MGMT: variants seen among roughly 807,000 people sequenced by gnomAD.
MGMT encodes methylated-DNA--protein-cysteine methyltransferase.
MGMT carries 14 observed loss-of-function variants against 15.9 expected under a neutral mutation model. The ratio of observed to expected loss-of-function variants is 0.88; its 90% CI spans 0.58 to 1.37. MGMT has a LOEUF of 1.37. Among genes scored for constraint, MGMT ranks in the 40% most tolerant of loss-of-function variants. The pLI, the probability that MGMT is intolerant of heterozygous loss-of-function variation, is 0.00. For missense variants in MGMT, 282 were observed against 268.1 expected (o/e 1.05, Z -0.36); for synonymous variants, 130 against 118.2 (o/e 1.10, Z -0.65).
At chr10:129,650,002 G>A (rs1177177422) in intron 2 of MGMT, among the ~76,000 whole-genome samples, 1 of 151,676 alleles carries the variant, frequency 6.6e-6, no homozygotes, top group African/African-American at 2.4e-5. Context: ...CGTGGAGATC[G>A]GCATTGTAGA....
chr10:129,670,934 TGTCA>T (rs1242250267), intron 2 of MGMT, among the ~76,000 whole-genome samples: 5 of 152,226 alleles, frequency 3.3e-5, no homozygotes, highest in Non-Finnish European at 5.9e-5. Flanking sequence ...TGTTTAATGC[TGTCA>T]GTCATTTGAG....
At chr10:129,752,912 G>C (rs532775174) in intron 3 of MGMT, among the ~76,000 whole-genome samples, 33 of 152,196 alleles carry the variant, frequency 2.2e-4, no homozygotes, top group African/African-American at 7.7e-4. Flanking sequence ...CATTCCTGAT[G>C]TTCCAAGCTT....
intron 1 of MGMT, among the ~76,000 whole-genome samples, chr10:129,496,607 C>G (rs1335686264): frequency 6.6e-6 from 1 of 151,994 alleles, no homozygotes; most frequent in Non-Finnish European, 1.5e-5. Context: ...CACTCTGGGC[C>G]GGGGTCTCTG....
chr10:129,518,325 G>C (rs187132733), intron 1 of MGMT, among the ~76,000 whole-genome samples: 2 of 88,064 alleles, frequency 2.3e-5, no homozygotes, highest in African/African-American at 8.9e-5. Context: ...TGTGTGTACA[G>C]ATACACACAC....
chr10:129,497,960 A>G (rs962453444), intron 1 of MGMT, among the ~76,000 whole-genome samples: 2 of 152,348 alleles, frequency 1.3e-5, no homozygotes, highest in Non-Finnish European at 2.9e-5. Context: ...GTTGTTTACA[A>G]AGCACCCAGT....
chr10:129,687,917 A>C (rs185618385), intron 2 of MGMT, among the ~76,000 whole-genome samples: 6 of 150,322 alleles, frequency 4.0e-5, no homozygotes, highest in Non-Finnish European at 4.4e-5. Flanking sequence ...CTCATTGTTC[A>C]GTTCCCACCT....
chr10:129,675,558 C>T (rs1053697367), intron 2 of MGMT, among the ~76,000 whole-genome samples: 17 of 152,126 alleles, frequency 1.1e-4, no homozygotes, highest in Non-Finnish European at 1.0e-4. Context: ...GAAGGGGAAA[C>T]AGAGCAGGAA....
At chr10:129,650,675 T>A (rs1160354327) in intron 2 of MGMT, among the ~76,000 whole-genome samples, 1 of 152,174 alleles carries the variant, frequency 6.6e-6, no homozygotes, top group Non-Finnish European at 1.5e-5. Context: ...GGGATCCTGC[T>A]CGAGGAGCAC....
At chr10:129,573,267 A>T (rs575022258) in intron 2 of MGMT, among the ~76,000 whole-genome samples, 1 of 152,282 alleles carries the variant, frequency 6.6e-6, no homozygotes, top group East Asian at 1.9e-4. Flanking sequence ...CAGAATAAGA[A>T]ATTCAACTAG....
At chr10:129,680,504 C>A (rs770887452) in intron 2 of MGMT, among the ~76,000 whole-genome samples, 2 of 152,058 alleles carry the variant, frequency 1.3e-5, no homozygotes, top group Non-Finnish European at 2.9e-5. Flanking sequence ...GGAATTCTAC[C>A]GACTTTGGAG....
intron 2 of MGMT, among the ~76,000 whole-genome samples, chr10:129,658,799 A>G (rs192097779): frequency 3.0e-4 from 46 of 152,350 alleles, no homozygotes; most frequent in Non-Finnish European, 8.8e-5. Flanking sequence ...TGAAGCCTAG[A>G]TGGCCCCTTC....
chr10:129,592,133 C>A (rs1017640060), intron 2 of MGMT, among the ~76,000 whole-genome samples: 4 of 152,116 alleles, frequency 2.6e-5, no homozygotes, highest in Admixed American at 2.0e-4. Context: ...ACGGGAGTGG[C>A]CACTTTTTTC....
chr10:129,706,292 G>A (rs1363128768), intron 2 of MGMT, among the ~76,000 whole-genome samples: 2 of 152,240 alleles, frequency 1.3e-5, no homozygotes, highest in South Asian at 2.1e-4. Flanking sequence ...TGTGGACAGA[G>A]TTGGGACGGT....
chr10:129,467,532 C>A, intron 1 of MGMT: 5 of 727,094 alleles, frequency 6.9e-6, no homozygotes, highest in Non-Finnish European at 8.4e-6. Context: ...TGTGGACTGG[C>A]GTGTGGCGGG....
At position 129,591,077 on chromosome 10, in the gene MGMT, T is replaced by C. The variant is rs182567135; in HGVS notation, c.125+54700T>C. ...AAGCACCTGTGGCAGCTGGCAGGGA[T>C]GGGCAGGCCTGCAGAGATGGCTTCC... On this transcript the variant is annotated intron_variant, in intron 2 of 4. Coordinates refer to ENST00000651593, the MANE Select transcript of MGMT (RefSeq NM_002412.5). Among the ~76,000 whole-genome samples, 873 of 152,224 alleles carry C rather than the reference T, an allele frequency of 5.7e-3. 5 individuals carry two copies. Among genetic ancestry groups the C allele is most frequent in the Non-Finnish European group, 8.6e-3 (585 of 68,018 alleles).
chr10:129,591,768 A>G (rs1174453023), intron 2 of MGMT, among the ~76,000 whole-genome samples: 1 of 152,110 alleles, frequency 6.6e-6, no homozygotes. Flanking sequence ...TATCTCTTCT[A>G]AAAATACAAA....
chr10:129,645,308 G>A (rs1357383467), intron 2 of MGMT, among the ~76,000 whole-genome samples: 1 of 152,034 alleles, frequency 6.6e-6, no homozygotes, highest in Non-Finnish European at 1.5e-5. Context: ...TTTTGGTAGA[G>A]ATGAGGTTTT....
chr10:129,542,159 A>G (rs1846049120), intron 2 of MGMT, among the ~76,000 whole-genome samples: 1 of 152,186 alleles, frequency 6.6e-6, no homozygotes, highest in African/African-American at 2.4e-5. Context: ...GGGCAGCTGC[A>G]GCAGGAGGTG....
chr10:129,727,127 G>C (rs1367795898), intron 3 of MGMT, among the ~76,000 whole-genome samples: 1 of 152,196 alleles, frequency 6.6e-6, no homozygotes, highest in Non-Finnish European at 1.5e-5. Context: ...GTGACACCCA[G>C]TGAGCTTCAC....
Sources: gnomAD v4.1 joint callset for allele counts (sites outside exome capture counted in the v4.1 genomes callset) on GRCh38, gnomAD v4.1.1 for gene constraint, MANE v1.5 for transcripts, NCBI Gene and HGNC (gene_info 2026-07-23, HGNC 2026-07-21) for gene names.